The following ADGRB3 variants were observed in gnomAD, a reference collection of about 807,000 sequenced individuals.
The protein encoded by ADGRB3 is brain-specific angiogenesis inhibitor 3.
ADGRB3 carries 37 observed loss-of-function variants against 193.4 expected under a neutral mutation model. The ratio of observed to expected loss-of-function variants is 0.19; its 90% CI spans 0.15 to 0.25. The LOEUF is 0.25. ADGRB3 is among the 10% of genes least tolerant of loss of function. The probability of loss-of-function intolerance (pLI) is 1.00; values close to 1 mark genes in which losing one functional copy is unlikely to be tolerated. For synonymous variants in ADGRB3, 690 were observed against 644.2 expected (o/e 1.07, Z -1.08); for missense variants, 1,637 against 1,852.9 (o/e 0.88, Z 2.14).
chr6:68,860,590 T>TATTCC (rs1765124735), intron 3 of ADGRB3, among the ~76,000 whole-genome samples: 1 of 152,248 alleles, frequency 6.6e-6, no homozygotes, highest in Non-Finnish European at 1.5e-5. Flanking sequence ...GGCTACATAG[T>TATTCC]ATTCCATGGT....
chr6:69,246,968 G>A (rs546516085), intron 20 of ADGRB3, among the ~76,000 whole-genome samples: 41 of 152,058 alleles, frequency 2.7e-4, no homozygotes, highest in Non-Finnish European at 5.4e-4. Flanking sequence ...TTGTACAAAA[G>A]CCAGACAATG....
chr6:68,936,722 G>A (rs1256788731), intron 5 of ADGRB3, 42 bp downstream of exon 5: 2 of 1,582,250 alleles, frequency 1.3e-6, no homozygotes, highest in Non-Finnish European at 1.7e-6. Context: ...TTATTGAATT[G>A]TGTCATGCTA....
At chr6:68,871,786 CATT>C (rs1195275561) in intron 3 of ADGRB3, among the ~76,000 whole-genome samples, 1 of 152,052 alleles carries the variant, frequency 6.6e-6, no homozygotes, top group Non-Finnish European at 1.5e-5. Flanking sequence ...ATGTCTTAAT[CATT>C]AATGACATTA....
intron 15 of ADGRB3, among the ~76,000 whole-genome samples, chr6:69,055,442 G>C (rs964896776): frequency 6.6e-6 from 1 of 152,084 alleles, no homozygotes; most frequent in African/African-American, 2.4e-5. Context: ...GGGTTCATTT[G>C]TCTTGTAGCA....
Position 69,361,586 on chromosome 6 carries a change from TG to T in ADGRB3, c.4239+76del, listed in dbSNP as rs1769452645. The T allele has an allele frequency of 2.1e-6, 3 of 1,462,346 alleles. No homozygotes were observed. In the South Asian group the frequency reaches 4.0e-5, roughly 20 times the overall value. 90.6% of individuals were successfully genotyped at this position (1,462,346 alleles called of 1,614,324 possible). The stretch of plus-strand genomic sequence containing the variant: ...GATATAAATAGAGATATTGATTGAT[TG>T]GTTGATTGATTGATGTGACACTGGT... On this transcript the variant is annotated intron_variant, in intron 29 of 31. Transcript: ENST00000370598.
At chr6:68,929,312 A>G (rs187293192) in intron 3 of ADGRB3, among the ~76,000 whole-genome samples, 209 of 152,314 alleles carry the variant, frequency 1.4e-3, no homozygotes, top group African/African-American at 4.9e-3. Flanking sequence ...CAGATTTCTC[A>G]GAGGATGTTC....
intron 17 of ADGRB3, among the ~76,000 whole-genome samples, chr6:69,140,585 A>T (rs1774306139): frequency 6.6e-6 from 1 of 152,218 alleles, no homozygotes; most frequent in African/African-American, 2.4e-5. Context: ...CTAGCATTTA[A>T]TCGCAAAACA....
chr6:69,305,560 T>C (rs1219974341), intron 20 of ADGRB3, among the ~76,000 whole-genome samples: 1 of 151,388 alleles, frequency 6.6e-6, no homozygotes, highest in East Asian at 1.9e-4. Flanking sequence ...TTCACACTTA[T>C]TCTGGGACCA....
Position 69,121,710 on chromosome 6 carries a change from G to A in ADGRB3, c.2480+45672G>A, listed in dbSNP as rs146687491. Reference sequence around the variant, plus strand: ...TCACCTCCCAGATGGGGTGGCGGCCGGGCAGAGGCGCACCTCACATCCCAG... The same window carrying A: ...TCACCTCCCAGATGGGGTGGCGGCCAGGCAGAGGCGCACCTCACATCCCAG... On this transcript the variant is annotated intron_variant, in intron 17 of 31. Coordinates refer to ENST00000370598, the MANE Select transcript of ADGRB3 (RefSeq NM_001704.3). Among the ~76,000 whole-genome samples the A allele has an allele frequency of 4.6e-3, 695 of 149,620 alleles. 7 individuals carry two copies. Among genetic ancestry groups the A allele is most frequent in the African/African-American group, 0.016 (645 of 40,706 alleles).
At chr6:68,825,091 AG>A (rs1038593657) in intron 3 of ADGRB3, among the ~76,000 whole-genome samples, 1 of 152,090 alleles carries the variant, frequency 6.6e-6, no homozygotes, top group African/African-American at 2.4e-5. Context: ...TCCTGACGTC[AG>A]GTGATCAACC....
intron 3 of ADGRB3, among the ~76,000 whole-genome samples, chr6:68,852,171 A>G (rs2127391367): frequency 6.6e-6 from 1 of 152,010 alleles, no homozygotes; most frequent in South Asian, 2.1e-4. Flanking sequence ...TTTATCAAAT[A>G]CCACATACTT....
chr6:69,168,179 C>G (rs76058669), intron 17 of ADGRB3, among the ~76,000 whole-genome samples: 1 of 152,004 alleles, frequency 6.6e-6, no homozygotes, highest in South Asian at 2.1e-4. Flanking sequence ...TTATAAGAGT[C>G]GATGCCTACC....
chr6:69,118,419 T>A (rs1773591753), intron 17 of ADGRB3, among the ~76,000 whole-genome samples: 2 of 150,560 alleles, frequency 1.3e-5, no homozygotes, highest in Admixed American at 1.3e-4. Flanking sequence ...AGAAGATGCC[T>A]ACAAGAGATA....
chr6:68,926,953 T>C (rs1767199007), intron 3 of ADGRB3, among the ~76,000 whole-genome samples: 1 of 152,136 alleles, frequency 6.6e-6, no homozygotes, highest in Non-Finnish European at 1.5e-5. Flanking sequence ...TTTTCTTTCA[T>C]GTAACTTTGA....
At chr6:69,354,352 T>C in intron 27 of ADGRB3, 24 bp downstream of exon 27, 4 of 1,553,218 alleles carry the variant, frequency 2.6e-6, no homozygotes, top group Non-Finnish European at 3.6e-6. Context: ...TTTCCCCGAT[T>C]GTTAATTAAC....
At chr6:68,662,526 G>T in intron 3 of ADGRB3, among the ~76,000 whole-genome samples, 1 of 151,376 alleles carries the variant, frequency 6.6e-6, no homozygotes. Flanking sequence ...CGTTTTAGAA[G>T]TTGTATTAAA....
chr6:68,770,334 A>G (rs1313496719), intron 3 of ADGRB3, among the ~76,000 whole-genome samples: 1 of 152,124 alleles, frequency 6.6e-6, no homozygotes, highest in Non-Finnish European at 1.5e-5. Flanking sequence ...TCTTCTCGTC[A>G]CTTTGCACAT....
In ADGRB3 at chr6:68,975,272, G is replaced by A. The variant is rs986935684; in HGVS notation, c.1666G>A (p.Val556Met). The A allele has an allele frequency of 6.2e-7, 1 of 1,613,984 alleles. No individual in the cohort carries two copies. The highest frequency in any genetic ancestry group is 1.7e-4 in the Middle Eastern group (1 of 6,058). Residue 556 changes from valine (V) to methionine (M), a missense_variant, in exon 10 of 32, where the codon GTG becomes ATG. Val to Met is a conservative substitution (Grantham distance 21). This residue lies in a region of ADGRB3 where 641 missense variants were observed against 673.9 expected (regional missense o/e 0.95). Transcript: ENST00000370598. ...SRRCSLSLHG[V>M]AFWEQPSFAR... ...ACGCTGCTCTCTCAGTCTTCATGGA[G>A]TGGCCTTCTGGGAACAGCCGAGCTT...
chr6:68,888,169 T>C (rs1562072519), intron 3 of ADGRB3, among the ~76,000 whole-genome samples: 1 of 152,086 alleles, frequency 6.6e-6, no homozygotes, highest in Non-Finnish European at 1.5e-5. Flanking sequence ...CATGGAACAA[T>C]CAAGTTAGAG....
Sources: allele counts gnomAD v4.1 joint callset (sites outside exome capture counted in the v4.1 genomes callset), GRCh38; gene constraint gnomAD v4.1.1; regional missense constraint gnomAD v4.1.1; transcripts MANE v1.5; gene names NCBI Gene and HGNC (gene_info 2026-07-23, HGNC 2026-07-21).